The following GBP7 variants were observed in gnomAD, a reference collection of about 807,000 sequenced individuals.
GBP7 encodes guanylate binding protein 7.
GBP7 carries 43 observed loss-of-function variants against 61.3 expected under a neutral mutation model. That is an observed-to-expected ratio of 0.70 (90% CI 0.55 to 0.91). GBP7 has a LOEUF of 0.91. GBP7 is among the 40% of genes least tolerant of loss of function. The probability of loss-of-function intolerance (pLI) is 0.00; values close to 1 mark genes in which losing one functional copy is unlikely to be tolerated. For missense variants in GBP7, 717 were observed against 740.5 expected (o/e 0.97, Z 0.37); for synonymous variants, 267 against 271.0 (o/e 0.99, Z 0.14).
At chr1:89,174,980 G>A (rs1390532378) in intron 1 of GBP7, among the ~76,000 whole-genome samples, 1 of 151,950 alleles carries the variant, frequency 6.6e-6, no homozygotes, top group Non-Finnish European at 1.5e-5. Flanking sequence ...CTTTATCCAG[G>A]GCTTGATAAA....
chr1:89,152,216 GTTGATCCCAC>G, intron 5 of GBP7, 42 bp downstream of exon 5: 1 of 1,548,916 alleles, frequency 6.5e-7, no homozygotes, highest in Non-Finnish European at 8.8e-7. Flanking sequence ...GTAGGTCCTA[GTTGATCCCAC>G]CCGCTACTGA....
In GBP7 at chr1:89,173,016, T is replaced by A. The variant is rs372649041; in HGVS notation, c.-19-1062A>T. ...AATATTTGTTCTGTTACTCAACTTG[T>A]CCTAGATTTTGTCATTGAGAGCTTC... On this transcript the variant is annotated intron_variant, in intron 1 of 10. Transcript: ENST00000294671. Among the ~76,000 whole-genome samples, 9 of 152,274 alleles carry A rather than the reference T, an allele frequency of 5.9e-5. No individual in the cohort carries two copies. In the East Asian group the frequency reaches 1.5e-3, roughly 26 times the overall value.
rs568055579 is a variant in GBP7, at chr1:89,158,143, C to T, written c.319-5366G>A. ...TTTTCTCAATAGATTCAGAAAAGGC[C>T]TTGGACAAATTCAACAGCCCTTCAT... On this transcript the variant is annotated intron_variant, in intron 3 of 10. Transcript: ENST00000294671. Among the ~76,000 whole-genome samples, 28 of 152,104 alleles carry T rather than the reference C, an allele frequency of 1.8e-4. No homozygotes were observed. In the South Asian group the frequency reaches 5.6e-3, roughly 30 times the overall value.
rs532469089 is a variant in GBP7, at chr1:89,135,532, G to C, written c.1469-2081C>G. Among the ~76,000 whole-genome samples, 4 of 152,202 alleles carry C rather than the reference G, an allele frequency of 2.6e-5. No homozygotes were observed. The East Asian group carries it at 5.8e-4, about 22-fold the overall frequency. On this transcript the variant is annotated intron_variant, in intron 9 of 10. Coordinates refer to ENST00000294671, the MANE Select transcript of GBP7 (RefSeq NM_207398.3). ...GAAACCCTACAAGCCAGAAGAGACT[G>C]GGGACCTATATTCAGCATTTGTAAA...
rs1557456280 is a variant in GBP7 at position 89,147,580 on chromosome 1, C to T, written c.1352G>A (p.Arg451Lys). 6.2e-7 allele frequency: 1 copy of T among 1,613,696 alleles called. No individual in the cohort carries two copies. The highest frequency in any genetic ancestry group is 1.1e-5 in the South Asian group (1 of 91,072). The change falls in exon 8 of 11, where the codon AGA becomes AAA. Residue 451 changes from arginine to lysine, a missense_variant. By Grantham distance (26) the Arg-to-Lys change is conservative. Transcript: ENST00000294671. ...CTTATTCCTCACCTTAACTCCTTTT[C>T]TGGGCACTAGTGTATAGTCCTGTTC... ...KIEQDYTLVP[R>K]KGVKADEVLQ...
At chr1:89,170,967 A>G (rs1647581760) in intron 2 of GBP7, among the ~76,000 whole-genome samples, 1 of 152,178 alleles carries the variant, frequency 6.6e-6, no homozygotes, top group Non-Finnish European at 1.5e-5. Flanking sequence ...CTGTAAACCA[A>G]TGAACTTTCA....
At chr1:89,174,191 A>G (rs1228731978) in intron 1 of GBP7, among the ~76,000 whole-genome samples, 1 of 152,196 alleles carries the variant, frequency 6.6e-6, no homozygotes, top group East Asian at 1.9e-4. Context: ...ATTACAAACA[A>G]TGCTGCAATG....
intron 3 of GBP7, among the ~76,000 whole-genome samples, chr1:89,155,799 G>A (rs1682304467): frequency 2.6e-5 from 4 of 152,188 alleles, no homozygotes; most frequent in Admixed American, 2.6e-4. Flanking sequence ...TATTATCCAG[G>A]AGAACTTCCC....
intron 8 of GBP7, among the ~76,000 whole-genome samples, chr1:89,145,021 C>T (rs141500379): frequency 0.016 from 2,408 of 148,834 alleles, 54 homozygotes; most frequent in African/African-American, 0.056. Context: ...GGTGCGATCT[C>T]GGTTCACTGC....
chr1:89,134,897 G>T lies in GBP7; in HGVS notation c.1469-1446C>A, dbSNP rs150090283. Reference sequence around the variant, plus strand: ...AATTCAGAATCTGGATGGCAATGAAGATTATCGATATTTAGGAGACAGTTG... The same window carrying T: ...AATTCAGAATCTGGATGGCAATGAATATTATCGATATTTAGGAGACAGTTG... On this transcript the variant is annotated intron_variant, in intron 9 of 10. Transcript: ENST00000294671. 2.7e-3 allele frequency among the ~76,000 whole-genome samples: 407 copies of T among 152,250 alleles called. 2 individuals are homozygous for T. Among genetic ancestry groups the T allele is most frequent in the African/African-American group, 8.9e-3 (368 of 41,554 alleles).
rs575335134 is a variant in GBP7 at position 89,152,176 on chromosome 1, A to C, written c.625+92T>G. ...ATGAGCAAGGGCCTCAATCCAGTCC[A>C]ATATAAAAATTTGTGTCAGGTGTTG... is the stretch of plus-strand genomic sequence containing the variant. On this transcript the variant is annotated intron_variant, in intron 5 of 10. Transcript: ENST00000294671. 65 of 1,082,388 alleles carry C rather than the reference A, an allele frequency of 6.0e-5. 1 individual carries two copies. The South Asian group carries it at 9.8e-4, about 16-fold the overall frequency. 67.0% of individuals were successfully genotyped at this position (1,082,388 alleles called of 1,614,324 possible). A position where few individuals can be genotyped will look rare whatever the true frequency, so the allele number is the denominator to read the frequency against.
At chr1:89,171,374 T>C (rs973465430) in intron 2 of GBP7, among the ~76,000 whole-genome samples, 6 of 152,070 alleles carry the variant, frequency 3.9e-5, no homozygotes, top group Admixed American at 2.0e-4. Flanking sequence ...TTATAACCAA[T>C]AGTGACCTTA....
intron 8 of GBP7, among the ~76,000 whole-genome samples, chr1:89,142,553 A>G (rs1166220104): frequency 6.6e-6 from 1 of 152,186 alleles, no homozygotes; most frequent in Non-Finnish European, 1.5e-5. Context: ...ACCTGGCCTG[A>G]GAAACTTTAA....
intron 3 of GBP7, among the ~76,000 whole-genome samples, chr1:89,163,034 C>CT (rs766940998): frequency 1.7e-4 from 26 of 152,106 alleles, no homozygotes; most frequent in Admixed American, 7.2e-4. Flanking sequence ...TGGTTTTTGT[C>CT]TTTATTTCTG....
intron 2 of GBP7, among the ~76,000 whole-genome samples, chr1:89,170,609 A>G (rs910673629): frequency 6.6e-6 from 1 of 152,196 alleles, no homozygotes; most frequent in Non-Finnish European, 1.5e-5. Flanking sequence ...CTACAGGATG[A>G]TCGATCAGAG....
At chr1:89,156,124 A>C (rs2100651519) in intron 3 of GBP7, among the ~76,000 whole-genome samples, 1 of 152,314 alleles carries the variant, frequency 6.6e-6, no homozygotes. Flanking sequence ...GTGAAGGATA[A>C]ATAAAATACT....
In GBP7 at chr1:89,146,464, A is replaced by G. The variant is rs1315687138; in HGVS notation, c.1365+1103T>C. Among the ~76,000 whole-genome samples the G allele has an allele frequency of 3.3e-5, 5 of 152,300 alleles. No individual in the cohort carries two copies. The East Asian group carries it at 5.8e-4, about 18-fold the overall frequency. On this transcript the variant is annotated intron_variant, in intron 8 of 10. Coordinates refer to ENST00000294671, the MANE Select transcript of GBP7 (RefSeq NM_207398.3). ...AAACTAAGTTACCACTCAATGAAAAAACAAAGAAAGGAAAAAAGAAAAGGC... is the reference window on the plus strand; with the variant it reads ...AAACTAAGTTACCACTCAATGAAAAGACAAAGAAAGGAAAAAAGAAAAGGC...
intron 2 of GBP7, among the ~76,000 whole-genome samples, chr1:89,168,780 C>T (rs1050483224): frequency 1.4e-5 from 2 of 140,174 alleles, no homozygotes; most frequent in Non-Finnish European, 3.1e-5. Flanking sequence ...ACTAAAAATA[C>T]AAACAACAAC....
intron 8 of GBP7, among the ~76,000 whole-genome samples, 193 bp downstream of exon 8, chr1:89,147,374 T>C (rs1415371657): frequency 1.3e-5 from 2 of 152,140 alleles, no homozygotes; most frequent in East Asian, 3.8e-4. Flanking sequence ...TAAATCCTCT[T>C]TGGGAAAAAA....
Sources: gnomAD v4.1 joint callset for allele counts (sites outside exome capture counted in the v4.1 genomes callset) on GRCh38, gnomAD v4.1.1 for gene constraint, MANE v1.5 for transcripts, NCBI Gene and HGNC (gene_info 2026-07-23, HGNC 2026-07-21) for gene names.